SOX5: variants seen among roughly 807,000 people sequenced by gnomAD.
The protein encoded by SOX5 is SRY-box transcription factor 5.
Under a neutral mutation model 92.0 loss-of-function variants are expected in SOX5, and 9 were observed. The observed-to-expected ratio is 0.10, with a 90% confidence interval of 0.06 to 0.17. The LOEUF (loss-of-function observed/expected upper bound fraction) is 0.17. Among genes scored for constraint, SOX5 ranks in the 10% least tolerant of loss-of-function variants. The probability of loss-of-function intolerance (pLI) is 1.00; values close to 1 mark genes in which losing one functional copy is unlikely to be tolerated. For missense variants in SOX5, 642 were observed against 944.5 expected, an observed-to-expected ratio of 0.68 and a Z score of 4.20; for synonymous variants, 344 against 336.3, an observed-to-expected ratio of 1.02 and a Z score of -0.25.
At chr12:24,332,693 C>G (rs1443776538) in intron 2 of SOX5, among the ~76,000 whole-genome samples, 1 of 151,986 alleles carries the variant, frequency 6.6e-6, no homozygotes, top group Non-Finnish European at 1.5e-5. Context: ...TTGAGAGTTA[C>G]TAACAGTAAC....
intron 3 of SOX5, among the ~76,000 whole-genome samples, chr12:23,802,096 C>T (rs1318971323): frequency 7.9e-5 from 12 of 151,924 alleles, no homozygotes; most frequent in African/African-American, 1.5e-4. Context: ...TTTTTTGAGA[C>T]GGAGTCCCAC....
intron 4 of SOX5, among the ~76,000 whole-genome samples, chr12:24,083,605 G>A (rs1430083216): frequency 2.0e-5 from 3 of 152,012 alleles, no homozygotes; most frequent in African/African-American, 7.2e-5. Flanking sequence ...AGAACTATGG[G>A]AGGCATCCTG....
chr12:23,972,850 T>G (rs969999080), intron 4 of SOX5, among the ~76,000 whole-genome samples: 10 of 152,126 alleles, frequency 6.6e-5, no homozygotes, highest in African/African-American at 2.4e-4. Flanking sequence ...ATTAGCTATT[T>G]TATAATATAC....
intron 1 of SOX5, among the ~76,000 whole-genome samples, chr12:24,418,984 C>T (rs1426553843): frequency 6.6e-6 from 1 of 152,078 alleles, no homozygotes; most frequent in Non-Finnish European, 1.5e-5. Flanking sequence ...TAGATTGGCC[C>T]AGAAATTTCT....
chr12:23,929,184 T>C (rs910886661), intron 1 of SOX5, among the ~76,000 whole-genome samples: 2 of 151,928 alleles, frequency 1.3e-5, no homozygotes, highest in African/African-American at 2.4e-5. Context: ...ATGCATTTCC[T>C]TCCAAATATG....
chr12:23,538,111 T>C (rs1239526537), intron 13 of SOX5, among the ~76,000 whole-genome samples: 1 of 152,100 alleles, frequency 6.6e-6, no homozygotes, highest in East Asian at 1.9e-4. Context: ...CTAAGTAAGA[T>C]CTTAGAATCT....
intron 1 of SOX5, among the ~76,000 whole-genome samples, chr12:24,451,395 T>C (rs577293490): frequency 5.0e-4 from 76 of 152,328 alleles, no homozygotes; most frequent in African/African-American, 1.8e-3. Context: ...TAGTGGTTGC[T>C]CTAATTTACA....
intron 4 of SOX5, among the ~76,000 whole-genome samples, chr12:23,968,745 T>C (rs1947883153): frequency 1.3e-5 from 2 of 152,222 alleles, no homozygotes; most frequent in African/African-American, 4.8e-5. Flanking sequence ...CATTCCCTTC[T>C]CTTTACTTCC....
intron 9 of SOX5, among the ~76,000 whole-genome samples, chr12:23,581,914 A>T (rs1429038846): frequency 6.6e-6 from 1 of 151,824 alleles, no homozygotes; most frequent in African/African-American, 2.4e-5. Context: ...ATATATGTAT[A>T]AATAAAATTT....
chr12:23,540,107 A>AG (rs1289151736), intron 13 of SOX5, among the ~76,000 whole-genome samples: 76 of 151,432 alleles, frequency 5.0e-4, no homozygotes, highest in African/African-American at 9.2e-4. Context: ...AAAAAAAAAA[A>AG]AGAGAGAAAA....
At position 24,483,848 on chromosome 12, in the gene SOX5, C is replaced by A. The variant is rs1214458995; in HGVS notation, c.-251+78481G>T. Among the ~76,000 whole-genome samples the A allele has an allele frequency of 3.3e-5, 5 of 152,212 alleles. No individual in the cohort carries two copies. In the East Asian group the frequency reaches 9.6e-4, roughly 29 times the overall value. On this transcript the variant is annotated intron_variant, in intron 1 of 4. Transcript: ENST00000446891. ...ACTTTCTGCATTCTCTTTAGTAATT[C>A]TCTCTCAAAACAACACGTGAAGTCT...
chr12:24,383,689 T>A (rs1209690280), intron 1 of SOX5, among the ~76,000 whole-genome samples: 1 of 152,182 alleles, frequency 6.6e-6, no homozygotes, highest in Non-Finnish European at 1.5e-5. Context: ...CAAGAAACCC[T>A]TATGGCAGCA....
intron 3 of SOX5, among the ~76,000 whole-genome samples, chr12:24,265,509 A>G (rs1942881761): frequency 6.6e-6 from 1 of 152,156 alleles, no homozygotes; most frequent in East Asian, 1.9e-4. Flanking sequence ...GTGCCACTGT[A>G]CTCCAGCCTG....
chr12:23,954,948 CTTTTA>C (rs1167298942), upstream of SOX5, among the ~76,000 whole-genome samples: 2 of 151,908 alleles, frequency 1.3e-5, no homozygotes, highest in South Asian at 2.1e-4. Context: ...TAAATAAAAG[CTTTTA>C]TTTTATGAGG....
intron 4 of SOX5, among the ~76,000 whole-genome samples, chr12:24,040,181 G>A (rs1388632496): frequency 6.6e-6 from 1 of 152,152 alleles, no homozygotes; most frequent in African/African-American, 2.4e-5. Flanking sequence ...AGGAAAAAAT[G>A]TAGGTTGTAG....
intron 1 of SOX5, among the ~76,000 whole-genome samples, chr12:24,464,498 G>A (rs1381859440): frequency 6.6e-6 from 1 of 151,922 alleles, no homozygotes; most frequent in Non-Finnish European, 1.5e-5. Flanking sequence ...CCACCACCAC[G>A]CCCAGCTAAT....
intron 3 of SOX5, among the ~76,000 whole-genome samples, chr12:23,767,061 G>C (rs150611223): frequency 5.4e-4 from 82 of 152,094 alleles, no homozygotes; most frequent in African/African-American, 1.8e-3. Context: ...ATCAAAACTA[G>C]CCGGGCATGG....
At chr12:23,847,575 G>GT (rs940047536) in intron 2 of SOX5, among the ~76,000 whole-genome samples, 122 of 150,716 alleles carry the variant, frequency 8.1e-4, no homozygotes, top group Non-Finnish European at 1.0e-3. Context: ...CTGTTAATAT[G>GT]TTTTTTTTTG....
At chr12:23,699,764 T>C (rs1335666769) in intron 6 of SOX5, among the ~76,000 whole-genome samples, 3 of 152,120 alleles carry the variant, frequency 2.0e-5, no homozygotes, top group African/African-American at 2.4e-5. Flanking sequence ...CAGAGAGGGT[T>C]GGTTTGGATG....
Sources: allele counts gnomAD v4.1 joint callset (sites outside exome capture counted in the v4.1 genomes callset), GRCh38; gene constraint gnomAD v4.1.1; transcripts MANE v1.5; gene names NCBI Gene and HGNC (gene_info 2026-07-23, HGNC 2026-07-21).